Variants in CERS6 observed in about 807,000 individuals in gnomAD.
CERS6 encodes the protein LAG1 homolog, ceramide synthase 6.
In CERS6, 26 loss-of-function variants were observed where a neutral mutation model predicts 56.8. The ratio of observed to expected loss-of-function variants is 0.46; its 90% CI spans 0.34 to 0.63. The LOEUF (loss-of-function observed/expected upper bound fraction) is 0.63. Ranked by LOEUF, CERS6 falls within the 30% of genes least tolerant of loss-of-function variation. The pLI is 0.01. For missense variants in CERS6, 415 were observed against 467.5 expected (o/e 0.89, Z 1.04); for synonymous variants, 164 against 173.3 (o/e 0.95, Z 0.42).
At chr2:168,683,545 C>A (rs1222097554) in intron 4 of CERS6, among the ~76,000 whole-genome samples, 1 of 152,232 alleles carries the variant, frequency 6.6e-6, no homozygotes, top group Non-Finnish European at 1.5e-5. Flanking sequence ...GCCACTGTCA[C>A]TGGCTTCATT....
intron 3 of CERS6, among the ~76,000 whole-genome samples, chr2:168,588,954 G>A (rs1452156697): frequency 1.3e-5 from 2 of 152,138 alleles, no homozygotes; most frequent in Admixed American, 1.3e-4. Context: ...TGCCCAGGCT[G>A]GTCTCCAACT....
rs189133859 is a variant in CERS6 at position 168,558,591 on chromosome 2, T to C, written c.277-2601T>C. 5.1e-3 allele frequency among the ~76,000 whole-genome samples: 778 copies of C among 152,320 alleles called. 7 individuals are homozygous for C. Among genetic ancestry groups the C allele is most frequent in the African/African-American group, 0.018 (739 of 41,580 alleles). On this transcript the variant is annotated intron_variant, in intron 2 of 9. Coordinates refer to ENST00000305747, the MANE Select transcript of CERS6 (RefSeq NM_203463.3). ...ATACTGGAAAGAAACTGATTTAGGC[T>C]GGGCGCGGTGGCTCACGCCTGTAAT... is the stretch of plus-strand genomic sequence containing the variant.
intron 1 of CERS6, among the ~76,000 whole-genome samples, chr2:168,527,717 C>A (rs1014447071): frequency 2.6e-5 from 4 of 151,962 alleles, no homozygotes; most frequent in Non-Finnish European, 5.9e-5. Context: ...CCTTGAGGGC[C>A]CCCCCGCCAT....
At chr2:168,649,032 CT>C (rs1685273874) in intron 4 of CERS6, among the ~76,000 whole-genome samples, 2 of 152,064 alleles carry the variant, frequency 1.3e-5, no homozygotes, top group Non-Finnish European at 2.9e-5. Context: ...AGTTTAGGCG[CT>C]GAATATCCTA....
chr2:168,512,752 C>T (rs1181318920), intron 1 of CERS6, among the ~76,000 whole-genome samples: 1 of 150,866 alleles, frequency 6.6e-6, no homozygotes, highest in Non-Finnish European at 1.5e-5. Flanking sequence ...ACTGCAACCT[C>T]CGCCTCCCAG....
intron 4 of CERS6, 62 bp from the exon 5 acceptor site, chr2:168,690,972 C>T (rs1686484389): frequency 2.7e-6 from 4 of 1,469,884 alleles, no homozygotes; most frequent in Non-Finnish European, 2.9e-6. Flanking sequence ...CTATTGTAAA[C>T]CTTTTTTATC....
intron 1 of CERS6, among the ~76,000 whole-genome samples, chr2:168,530,839 G>T (rs2105362146): frequency 6.6e-6 from 1 of 152,292 alleles, no homozygotes; most frequent in African/African-American, 2.4e-5. Flanking sequence ...GATGAGGTTG[G>T]TATGGACTAG....
intron 1 of CERS6, among the ~76,000 whole-genome samples, chr2:168,538,402 C>CA (rs1386498340): frequency 6.6e-6 from 1 of 152,196 alleles, no homozygotes; most frequent in African/African-American, 2.4e-5. Flanking sequence ...GACTCCTTCT[C>CA]AGAGCCTTCA....
chr2:168,524,663 T>C (rs951849601), intron 1 of CERS6, among the ~76,000 whole-genome samples: 6 of 152,162 alleles, frequency 3.9e-5, no homozygotes, highest in Non-Finnish European at 8.8e-5. Flanking sequence ...GCTAAAAACT[T>C]AGTGTCTGTA....
intron 1 of CERS6, among the ~76,000 whole-genome samples, chr2:168,530,383 A>G (rs1166141868): frequency 1.3e-5 from 2 of 152,216 alleles, no homozygotes; most frequent in Admixed American, 6.5e-5. Context: ...TTTGACAATT[A>G]CTGTAATTTT....
intron 6 of CERS6, among the ~76,000 whole-genome samples, chr2:168,710,083 C>T (rs1262613484): frequency 2.0e-5 from 3 of 152,120 alleles, no homozygotes; most frequent in African/African-American, 7.2e-5. Context: ...AGTAATAAAA[C>T]AAATGTTTTG....
intron 1 of CERS6, among the ~76,000 whole-genome samples, chr2:168,537,653 T>C (rs1695289128): frequency 6.6e-6 from 1 of 152,236 alleles, no homozygotes; most frequent in South Asian, 2.1e-4. Flanking sequence ...CATTAAACAT[T>C]GGAGTCACCT....
intron 8 of CERS6, among the ~76,000 whole-genome samples, chr2:168,734,090 ATGT>A (rs1445072362): frequency 1.3e-5 from 2 of 152,160 alleles, no homozygotes; most frequent in African/African-American, 4.8e-5. Context: ...AAGTTTTATG[ATGT>A]TATGCTTTGG....
At chr2:168,461,480 AAGTGGTCT>A (rs1292171857) in intron 1 of CERS6, among the ~76,000 whole-genome samples, 66 of 151,426 alleles carry the variant, frequency 4.4e-4, no homozygotes, top group African/African-American at 1.6e-3. Context: ...AAAAAAAAAA[AAGTGGTCT>A]GCAGACATAA....
intron 4 of CERS6, among the ~76,000 whole-genome samples, chr2:168,670,926 G>A (rs1172789867): frequency 7.3e-6 from 1 of 137,074 alleles, no homozygotes; most frequent in East Asian, 2.2e-4. Flanking sequence ...CCTAGTACCT[G>A]TAACGCTGCC....
chr2:168,494,822 A>G (rs546503858), intron 1 of CERS6, among the ~76,000 whole-genome samples: 2 of 152,254 alleles, frequency 1.3e-5, no homozygotes, highest in South Asian at 2.1e-4. Context: ...CCACCTGGCA[A>G]TCTTCATTTA....
chr2:168,495,505 G>A (rs1419659055), intron 1 of CERS6, among the ~76,000 whole-genome samples: 1 of 152,124 alleles, frequency 6.6e-6, no homozygotes, highest in Non-Finnish European at 1.5e-5. Context: ...AGGTGGAGAA[G>A]CAAACGCAAA....
chr2:168,547,402 C>T (rs920258502), intron 1 of CERS6, among the ~76,000 whole-genome samples, 194 bp from the exon 2 acceptor site: 3 of 152,086 alleles, frequency 2.0e-5, no homozygotes, highest in African/African-American at 4.8e-5. Flanking sequence ...TTTAATGTTA[C>T]TGCTGGGGGC....
intron 1 of CERS6, among the ~76,000 whole-genome samples, chr2:168,527,825 A>G (rs774883969): frequency 1.4e-4 from 22 of 152,084 alleles, no homozygotes; most frequent in Middle Eastern, 3.2e-3. Flanking sequence ...GGCTCAAGCA[A>G]TCTTCCCACC....
Sources: gnomAD v4.1 joint callset for allele counts (sites outside exome capture counted in the v4.1 genomes callset) on GRCh38, gnomAD v4.1.1 for gene constraint, MANE v1.5 for transcripts, NCBI Gene and HGNC (gene_info 2026-07-23, HGNC 2026-07-21) for gene names.